Variants in FAF2 observed in about 807,000 individuals in gnomAD.
FAF2 encodes FAS-associated factor 2.
Under a neutral mutation model 62.3 loss-of-function variants are expected in FAF2, and 9 were observed. The observed-to-expected ratio is 0.14, with a 90% CI of 0.09 to 0.25. The LOEUF is 0.25. FAF2 is among the 10% of genes least tolerant of loss of function. The probability of loss-of-function intolerance (pLI) is 1.00; values close to 1 mark genes in which losing one functional copy is unlikely to be tolerated. For missense variants in FAF2, 368 were observed against 556.2 expected (o/e 0.66, Z 3.40); for synonymous variants, 202 against 198.0 (o/e 1.02, Z -0.17).
chr5:176,464,745 G>GTT (rs1162480070), intron 1 of FAF2, among the ~76,000 whole-genome samples: 2 of 140,336 alleles, frequency 1.4e-5, no homozygotes, highest in Non-Finnish European at 1.6e-5. Context: ...AGGGATATTA[G>GTT]TTTTTTTTTT....
intron 1 of FAF2, among the ~76,000 whole-genome samples, chr5:176,476,896 A>G (rs1378625356): frequency 7.6e-6 from 1 of 130,734 alleles, no homozygotes; most frequent in Non-Finnish European, 1.6e-5. Flanking sequence ...TGCAAGCTCC[A>G]CCTCCCTTGT....
At chr5:176,495,232 C>A (rs1449083383) in intron 7 of FAF2, among the ~76,000 whole-genome samples, 1 of 152,134 alleles carries the variant, frequency 6.6e-6, no homozygotes, top group Non-Finnish European at 1.5e-5. Context: ...TATTAGCATG[C>A]CACATACTGT....
At chr5:176,482,713 G>A (rs748096740) in intron 2 of FAF2, among the ~76,000 whole-genome samples, 59 of 152,134 alleles carry the variant, frequency 3.9e-4, no homozygotes, top group African/African-American at 9.2e-4. Context: ...ATGGGGTCTC[G>A]CTGTATTGAC....
chr5:176,483,026 G>T (rs759870069), intron 2 of FAF2, among the ~76,000 whole-genome samples: 1 of 151,446 alleles, frequency 6.6e-6, no homozygotes, highest in African/African-American at 2.4e-5. Flanking sequence ...CACTGTGCCC[G>T]GCCTGTTTTC....
At chr5:176,472,982 T>C (rs1161593551) in intron 1 of FAF2, among the ~76,000 whole-genome samples, 1 of 152,194 alleles carries the variant, frequency 6.6e-6, no homozygotes, top group Non-Finnish European at 1.5e-5. Context: ...TAACAGGAAA[T>C]TGTGAAGATA....
chr5:176,487,795 G>A (rs1373846106), intron 3 of FAF2, among the ~76,000 whole-genome samples: 1 of 152,068 alleles, frequency 6.6e-6, no homozygotes, highest in Non-Finnish European at 1.5e-5. Flanking sequence ...GTTAGTAATA[G>A]TGATTATCTT....
At chr5:176,505,904 C>CACGCCTGTAATCTCAGCACTTT (rs1361524796) in intron 10 of FAF2, among the ~76,000 whole-genome samples, 4 of 152,054 alleles carry the variant, frequency 2.6e-5, no homozygotes, top group Non-Finnish European at 4.4e-5. Flanking sequence ...CACGGTGGCT[C>CACGCCTGTAATCTCAGCACTTT]ACGCCTGTAA....
intron 9 of FAF2, 112 bp downstream of exon 9, chr5:176,499,197 GAA>G (rs963343287): frequency 2.5e-4 from 191 of 756,422 alleles, no homozygotes; most frequent in Middle Eastern, 1.4e-3. Context: ...GACTAAGAGG[GAA>G]AAAAAAAAAG....
At chr5:176,462,696 T>A (rs1758398910) in intron 1 of FAF2, among the ~76,000 whole-genome samples, 1 of 152,224 alleles carries the variant, frequency 6.6e-6, no homozygotes. Context: ...ATGTCAAGTT[T>A]TAAGATTGAA....
intron 1 of FAF2, among the ~76,000 whole-genome samples, chr5:176,465,731 A>AT (rs1363604167): frequency 6.6e-6 from 1 of 152,144 alleles, no homozygotes; most frequent in Non-Finnish European, 1.5e-5. Context: ...ACAGTGGCTC[A>AT]TGCCTGTAAT....
chr5:176,493,547 C>T (rs1328451216), intron 5 of FAF2, among the ~76,000 whole-genome samples: 1 of 152,190 alleles, frequency 6.6e-6, no homozygotes, highest in Non-Finnish European at 1.5e-5. Flanking sequence ...CATTCCTACT[C>T]GATATGTGGC....
intron 1 of FAF2, among the ~76,000 whole-genome samples, chr5:176,471,839 G>A (rs1347334355): frequency 3.3e-5 from 5 of 151,092 alleles, no homozygotes; most frequent in African/African-American, 9.7e-5. Context: ...ACAGGCACCC[G>A]CCACTATGCC....
At chr5:176,498,058 A>G (rs780969679) in intron 8 of FAF2, among the ~76,000 whole-genome samples, 3 of 152,140 alleles carry the variant, frequency 2.0e-5, no homozygotes, top group Admixed American at 6.5e-5. Flanking sequence ...GCTTTAGCCT[A>G]GGAGGTTGAG....
At chr5:176,458,166 C>G (rs1165627149) in intron 1 of FAF2, among the ~76,000 whole-genome samples, 2 of 152,210 alleles carry the variant, frequency 1.3e-5, no homozygotes, top group African/African-American at 4.8e-5. Context: ...ACTGCAGCCT[C>G]CGCCTGCTGG....
At chr5:176,483,667 G>T (rs757600118) in intron 2 of FAF2, among the ~76,000 whole-genome samples, 1 of 152,178 alleles carries the variant, frequency 6.6e-6, no homozygotes, top group African/African-American at 2.4e-5. Context: ...TCAGAGTGTC[G>T]CAAAACCGTC....
chr5:176,456,675 A>G (rs529173379), intron 1 of FAF2, among the ~76,000 whole-genome samples: 16 of 152,204 alleles, frequency 1.1e-4, no homozygotes, highest in Admixed American at 2.0e-4. Flanking sequence ...ATATGCCAAT[A>G]TAACACTTAA....
intron 1 of FAF2, among the ~76,000 whole-genome samples, chr5:176,458,985 G>C (rs777997240): frequency 2.0e-5 from 3 of 151,986 alleles, no homozygotes; most frequent in African/African-American, 7.2e-5. Context: ...TTGTTTACTG[G>C]TGTGTAGTAA....
At chr5:176,489,965 A>G (rs993498782) in intron 4 of FAF2, among the ~76,000 whole-genome samples, 3 of 152,126 alleles carry the variant, frequency 2.0e-5, no homozygotes, top group Admixed American at 6.6e-5. Context: ...TTCATGTACC[A>G]TTAAAAGAGC....
At chr5:176,460,044 T>A (rs945290319) in intron 1 of FAF2, among the ~76,000 whole-genome samples, 1 of 152,182 alleles carries the variant, frequency 6.6e-6, no homozygotes, top group Non-Finnish European at 1.5e-5. Context: ...ACATCCATGT[T>A]GCTGCAAAGG....
Sources: gnomAD v4.1 joint callset for allele counts (sites outside exome capture counted in the v4.1 genomes callset) on GRCh38, gnomAD v4.1.1 for gene constraint, MANE v1.5 for transcripts, NCBI Gene and HGNC (gene_info 2026-07-23, HGNC 2026-07-21) for gene names.